MAP3K4: variants seen among roughly 807,000 people sequenced by gnomAD.
MAP3K4 encodes the protein MAP three kinase 1.
MAP3K4 carries 67 observed loss-of-function variants against 185.6 expected under a neutral mutation model. That is an observed-to-expected ratio of 0.36 (90% CI 0.30 to 0.44). The LOEUF is 0.44. MAP3K4 is among the 20% of genes least tolerant of loss of function. The probability of loss-of-function intolerance (pLI) is 1.00; values close to 1 mark genes in which losing one functional copy is unlikely to be tolerated. For synonymous variants in MAP3K4, 702 were observed against 710.4 expected (o/e 0.99, Z 0.19); for missense variants, 1,551 against 1,995.1 (o/e 0.78, Z 4.24).
rs80244508 is a variant in MAP3K4 at position 161,064,564 on chromosome 6, G to A, written c.1708-6044G>A. Among the ~76,000 whole-genome samples the A allele has an allele frequency of 0.021, 3,213 of 152,124 alleles. 119 individuals carry two copies. The highest frequency in any genetic ancestry group is 0.074 in the African/African-American group (3,079 of 41,484). ...TAAATAGAGTAGGCTTATTAGTAAG[G>A]TTTGGTATCTTGTAGGACAGTGTTG... On this transcript the variant is annotated intron_variant, in intron 3 of 26. Transcript: ENST00000392142. The surrounding 1 kb of genome is among the most constrained non-coding windows in gnomAD (Gnocchi z 4.3).
chr6:161,064,476 C>A lies in MAP3K4; in HGVS notation c.1708-6132C>A, dbSNP rs12174748. Among the ~76,000 whole-genome samples the A allele has an allele frequency of 0.06, 9,026 of 150,722 alleles. 475 individuals carry two copies. The highest frequency in any genetic ancestry group is 0.31 in the East Asian group (1,563 of 5,118). ...TGCCTTTTTTTTTTTACATTAAATT[C>A]TAGATAATTGGGTATGTTTCTGTGT... On this transcript the variant is annotated intron_variant, in intron 3 of 26. Transcript: ENST00000392142. This position sits in a 1 kb window ranked among gnomAD's most constrained non-coding sequence, Gnocchi z 4.3.
chr6:161,054,592 A>G lies in MAP3K4; in HGVS notation c.1707+4613A>G, dbSNP rs1057177338. On this transcript the variant is annotated intron_variant, in intron 3 of 26. Transcript: ENST00000392142. This position sits in a 1 kb window ranked among gnomAD's most constrained non-coding sequence, Gnocchi z 4.2. ...ATAAATGCCTTTAATGATTTGTTCA[A>G]AATTATATGAAGTTGTAGCTCTGTA... Among the ~76,000 whole-genome samples the G allele has an allele frequency of 2.6e-5, 4 of 152,246 alleles. No individual in the cohort carries two copies. Among genetic ancestry groups the G allele is most frequent in the Non-Finnish European group, 5.9e-5 (4 of 68,046 alleles).
chr6:161,106,433 C>G lies in MAP3K4; in HGVS notation c.3857-81C>G. The G allele has an allele frequency of 1.1e-6, 1 of 938,942 alleles. No individual in the cohort carries two copies. Among genetic ancestry groups the G allele is most frequent in the Non-Finnish European group, 1.6e-6 (1 of 620,558 alleles). The allele number at this position is 938,942 out of a possible 1,614,324, so 58.2% of individuals were successfully genotyped here. On this transcript the variant is annotated intron_variant, in intron 19 of 26. Coordinates refer to ENST00000392142, the MANE Select transcript of MAP3K4 (RefSeq NM_005922.4). This position sits in a 1 kb window ranked among gnomAD's most constrained non-coding sequence, Gnocchi z 4.9. ...TGTAATGGAGTGCTAATATATATTG[C>G]TCTATTTTTATTGGTTTGTCTTTTG... is the stretch of plus-strand genomic sequence containing the variant.
At chr6:161,059,190 C>G (rs1583178499) in intron 3 of MAP3K4, among the ~76,000 whole-genome samples, 1 of 151,390 alleles carries the variant, frequency 6.6e-6, no homozygotes, top group South Asian at 2.1e-4. Context: ...GGCTGGAGTA[C>G]AGTGGCACAG....
chr6:161,094,889 C>A (rs534917658), intron 15 of MAP3K4, among the ~76,000 whole-genome samples: 1 of 151,834 alleles, frequency 6.6e-6, no homozygotes, highest in Non-Finnish European at 1.5e-5. Flanking sequence ...AACACATGAT[C>A]GATAATTCAG....
At position 161,026,290 on chromosome 6, in the gene MAP3K4, G is replaced by C. The variant is rs568489720; in HGVS notation, c.153-7969G>C. ...GGATTACAGGTGCCCGCCACCACGCGCAGCTAATTTTTTTTTTTGTATGTT... is the reference window on the plus strand; with the variant it reads ...GGATTACAGGTGCCCGCCACCACGCCCAGCTAATTTTTTTTTTTGTATGTT... On this transcript the variant is annotated intron_variant, in intron 1 of 26. Coordinates refer to ENST00000392142, the MANE Select transcript of MAP3K4 (RefSeq NM_005922.4). 8.9e-4 allele frequency among the ~76,000 whole-genome samples: 95 copies of C among 107,316 alleles called. 1 individual carries two copies. In the South Asian group the frequency reaches 0.013, roughly 15 times the overall value. The allele number at this position is 107,316 out of a possible 152,430, so 70.4% of individuals were successfully genotyped here.
chr6:161,047,820 T>C (rs1198257521), intron 2 of MAP3K4, among the ~76,000 whole-genome samples: 1 of 152,228 alleles, frequency 6.6e-6, no homozygotes, highest in African/African-American at 2.4e-5. Flanking sequence ...TGTATGTGTG[T>C]TCATTTTAAA....
intron 5 of MAP3K4, among the ~76,000 whole-genome samples, chr6:161,078,511 C>T (rs529315017): frequency 1.3e-5 from 2 of 152,338 alleles, no homozygotes; most frequent in East Asian, 1.9e-4. Flanking sequence ...GGGTTCCAGA[C>T]AGGGCTAAAA....
In MAP3K4 at chr6:161,091,321, G is replaced by A. The variant is rs904580205; in HGVS notation, c.2974-58G>A. ...GATGAACGAAATCTTCCTTTAAAAT[G>A]TGGTAAGTATTGTATGATTTGCTTC... is the stretch of plus-strand genomic sequence containing the variant. On this transcript the variant is annotated intron_variant, in intron 11 of 26. Coordinates refer to ENST00000392142, the MANE Select transcript of MAP3K4 (RefSeq NM_005922.4). This position sits in a 1 kb window ranked among gnomAD's most constrained non-coding sequence, Gnocchi z 5.5. The A allele has an allele frequency of 5.0e-6, 7 of 1,388,770 alleles. No individual in the cohort carries two copies. Among genetic ancestry groups the A allele is most frequent in the South Asian group, 4.4e-5 (3 of 67,726 alleles). 86.0% of individuals were successfully genotyped at this position (1,388,770 alleles called of 1,614,324 possible). A position where few individuals can be genotyped will look rare whatever the true frequency, so the allele number is the denominator to read the frequency against.
chr6:161,035,414 G>A (rs1381996505), intron 2 of MAP3K4, among the ~76,000 whole-genome samples: 1 of 152,000 alleles, frequency 6.6e-6, no homozygotes, highest in Non-Finnish European at 1.5e-5. Context: ...ATGGCTGTTA[G>A]TGGCATCTTC....
At chr6:161,065,133 T>C (rs1171094315) in intron 3 of MAP3K4, among the ~76,000 whole-genome samples, 1 of 152,140 alleles carries the variant, frequency 6.6e-6, no homozygotes, top group Non-Finnish European at 1.5e-5. Context: ...AAGGCAGGTA[T>C]CTGGATCAGC....
In MAP3K4 at chr6:161,109,602, G is replaced by A. The variant is rs1042769346; in HGVS notation, c.4237-153G>A. On this transcript the variant is annotated intron_variant, in intron 22 of 26. Coordinates refer to ENST00000392142, the MANE Select transcript of MAP3K4 (RefSeq NM_005922.4). The surrounding 1 kb of genome is among the most constrained non-coding windows in gnomAD (Gnocchi z 5.7). Reference sequence around the variant, plus strand: ...TATAGAGGACTTAGAAACGACTGTTGTGAGACACATTCAGTGCTCAGGATG... The same window carrying A: ...TATAGAGGACTTAGAAACGACTGTTATGAGACACATTCAGTGCTCAGGATG... Among the ~76,000 whole-genome samples the A allele has an allele frequency of 6.6e-5, 10 of 152,164 alleles. No individual in the cohort carries two copies. Among genetic ancestry groups the A allele is most frequent in the African/African-American group, 2.4e-4 (10 of 41,450 alleles).
At position 161,070,681 on chromosome 6, in the gene MAP3K4, A is replaced by C; in HGVS notation, c.1781A>C (p.Glu594Ala). 6.2e-7 allele frequency: 1 copy of C among 1,614,098 alleles called. No homozygotes were observed. Among genetic ancestry groups the C allele is most frequent in the Non-Finnish European group, 8.5e-7 (1 of 1,180,014 alleles). ...QLSRTPPSSE[E>A]KCSAVSWEEL... ...TCAAGGACACCACCTTCATCTGAGGAGAAATGCAGTGCTGTGTCGTGGGAG... is the reference window on the plus strand; with the variant it reads ...TCAAGGACACCACCTTCATCTGAGGCGAAATGCAGTGCTGTGTCGTGGGAG... Residue 594 changes from glutamate to alanine, a missense_variant, in exon 4 of 27, where the codon GAG becomes GCG. This residue lies in a region of MAP3K4 where 86 missense variants were observed against 81.6 expected (regional missense o/e 1.05). Coordinates refer to ENST00000392142, the MANE Select transcript of MAP3K4 (RefSeq NM_005922.4). This position sits in a 1 kb window ranked among gnomAD's most constrained non-coding sequence, Gnocchi z 4.5.
intron 1 of MAP3K4, among the ~76,000 whole-genome samples, chr6:161,021,305 A>T (rs931929537): frequency 6.6e-6 from 1 of 152,132 alleles, no homozygotes; most frequent in South Asian, 2.1e-4. Context: ...ATAAGACATA[A>T]CGTAGTCTGT....
At chr6:161,094,177 G>A (rs754324154) in intron 15 of MAP3K4, among the ~76,000 whole-genome samples, 8 of 152,150 alleles carry the variant, frequency 5.3e-5, no homozygotes, top group Non-Finnish European at 7.4e-5. Flanking sequence ...GGAAGAGGGC[G>A]TTGTCTGCCA....
At chr6:161,113,177 T>C (rs976217441) in intron 25 of MAP3K4, among the ~76,000 whole-genome samples, 3 of 152,116 alleles carry the variant, frequency 2.0e-5, no homozygotes, top group Non-Finnish European at 4.4e-5. Context: ...CAAAGGAGTA[T>C]ACTGAGCTTT....
In MAP3K4 at chr6:161,088,787, C is replaced by T. The variant is rs2114860335; in HGVS notation, c.2824-535C>T. ...CCCTGCTTCAAACCTCACCTTCTGT[C>T]TCTCCAATTCTGTGTTTGTTTTTGT... On this transcript the variant is annotated intron_variant, in intron 10 of 26. Transcript: ENST00000392142. The surrounding 1 kb of genome is among the most constrained non-coding windows in gnomAD (Gnocchi z 4.5). Among the ~76,000 whole-genome samples the T allele has an allele frequency of 6.6e-6, 1 of 152,272 alleles. No individual in the cohort carries two copies. The highest frequency in any genetic ancestry group is 2.1e-4 in the South Asian group (1 of 4,818).
intron 1 of MAP3K4, among the ~76,000 whole-genome samples, chr6:161,014,915 G>A (rs1007204584): frequency 6.6e-6 from 1 of 152,002 alleles, no homozygotes; most frequent in African/African-American, 2.4e-5. Context: ...CCCCCTGCCC[G>A]GTCCCCAACC....
In MAP3K4 at chr6:161,006,907, T is replaced by G. The variant is rs571398970; in HGVS notation, c.152+14824T>G. Among the ~76,000 whole-genome samples, 5 of 151,984 alleles carry G rather than the reference T, an allele frequency of 3.3e-5. No homozygotes were observed. The South Asian group carries it at 1.0e-3, about 32-fold the overall frequency. ...CTGATTTGAGCTCAAAGTAGACAAA[T>G]AGAAAAAAATAATCAGGTTCTCTGT... On this transcript the variant is annotated intron_variant, in intron 1 of 26. Coordinates refer to ENST00000392142, the MANE Select transcript of MAP3K4 (RefSeq NM_005922.4).
Sources: allele counts gnomAD v4.1 joint callset (sites outside exome capture counted in the v4.1 genomes callset), GRCh38; gene constraint gnomAD v4.1.1; regional missense constraint gnomAD v4.1.1; non-coding constraint Gnocchi (gnomAD v3.1); transcripts MANE v1.5; gene names NCBI Gene and HGNC (gene_info 2026-07-23, HGNC 2026-07-21).